The following SLC13A3 variants were observed in gnomAD, a reference collection of about 807,000 sequenced individuals.
SLC13A3 encodes solute carrier family 13 member 3.
SLC13A3 carries 40 observed loss-of-function variants against 59.0 expected under a neutral mutation model. That is an observed-to-expected ratio of 0.68 (90% CI 0.53 to 0.88). SLC13A3 has a LOEUF of 0.88. SLC13A3 is among the 40% of genes least tolerant of loss of function. The pLI is 0.00. For missense variants in SLC13A3, 699 were observed against 783.2 expected, an observed-to-expected ratio of 0.89 and a Z score of 1.28; for synonymous variants, 317 against 330.3, an observed-to-expected ratio of 0.96 and a Z score of 0.44.
intron 1 of SLC13A3, among the ~76,000 whole-genome samples, chr20:46,656,553 C>T (rs1283466635): frequency 1.4e-5 from 2 of 144,322 alleles, no homozygotes; most frequent in Admixed American, 1.4e-4. Flanking sequence ...ATATATTATA[C>T]TGTATATGAT....
In SLC13A3 at chr20:46,589,179, G is replaced by A. The variant is rs1219949627; in HGVS notation, c.997C>T (p.Gln333Ter). ...ACATACTTGATGGGCCCCAGGTTCT[G>A]GTATTCTTCCCGAATTACAGCTCGA... is the stretch of plus-strand genomic sequence containing the variant. Reference protein sequence around the residue: ...RARAVIREEYQNLGPIKFAEQ... With the variant: ...RARAVIREEY Residue 333 changes from glutamine to a stop codon, truncating the protein, a stop_gained, in exon 7 of 13, where the codon CAG (glutamine) becomes TAG (stop). Coordinates refer to ENST00000279027, the MANE Select transcript of SLC13A3 (RefSeq NM_022829.6). LOFTEE classifies it high-confidence loss of function. 3.1e-6 allele frequency: 5 copies of A among 1,613,960 alleles called. No individual in the cohort carries two copies. The highest frequency in any genetic ancestry group is 8.5e-7 in the Non-Finnish European group (1 of 1,179,988).
At chr20:46,585,471 A>C in intron 8 of SLC13A3, 3 of 994,836 alleles carry the variant, frequency 3.0e-6, no homozygotes, top group Non-Finnish European at 3.6e-6. Context: ...CTGTTAAAAA[A>C]ATCTTCTTTT....
intron 9 of SLC13A3, among the ~76,000 whole-genome samples, chr20:46,576,308 ACT>A (rs1366159073): frequency 6.6e-6 from 1 of 151,660 alleles, no homozygotes; most frequent in African/African-American, 2.4e-5. Flanking sequence ...TGTAAATAAA[ACT>A]CTATTTACAA....
chr20:46,603,209 A>G (rs1333887817), intron 3 of SLC13A3, among the ~76,000 whole-genome samples: 1 of 152,110 alleles, frequency 6.6e-6, no homozygotes, highest in Non-Finnish European at 1.5e-5. Flanking sequence ...TTAACTTATT[A>G]AAAGCAAGGA....
intron 1 of SLC13A3, among the ~76,000 whole-genome samples, chr20:46,661,235 T>C (rs566780662): frequency 1.3e-5 from 2 of 152,326 alleles, no homozygotes; most frequent in African/African-American, 4.8e-5. Flanking sequence ...AAGTAAATAA[T>C]ATTTACCTCC....
chr20:46,573,958 G>A (rs777052002), intron 10 of SLC13A3, among the ~76,000 whole-genome samples: 29 of 152,234 alleles, frequency 1.9e-4, no homozygotes, highest in Non-Finnish European at 3.8e-4. Flanking sequence ...TTAATTGGCT[G>A]TGGTTTTTAA....
At position 46,609,997 on chromosome 20, in the gene SLC13A3, G is replaced by A. The variant is rs575440285; in HGVS notation, c.541+449C>T. ...GTCCACACTCTTTCTAGCAGTACAC[G>A]AAAGTTCCTGTGGCCCCTATTCCTG... On this transcript the variant is annotated intron_variant, in intron 3 of 12. Transcript: ENST00000279027. Among the ~76,000 whole-genome samples, 23 of 152,320 alleles carry A rather than the reference G, an allele frequency of 1.5e-4. 1 individual carries two copies. In the South Asian group the frequency reaches 3.3e-3, roughly 22 times the overall value.
intron 7 of SLC13A3, 94 bp from the exon 8 acceptor site, chr20:46,588,257 G>C (rs2122664013): frequency 1.4e-6 from 1 of 694,662 alleles, no homozygotes. Context: ...GGGAGTGACT[G>C]GGCCCGGGCT....
At chr20:46,621,448 A>T (rs1384557901) in intron 1 of SLC13A3, among the ~76,000 whole-genome samples, 1 of 152,230 alleles carries the variant, frequency 6.6e-6, no homozygotes, top group Non-Finnish European at 1.5e-5. Context: ...TTAAGGATGG[A>T]TTAAATAGCT....
intron 1 of SLC13A3, among the ~76,000 whole-genome samples, chr20:46,643,887 A>C (rs1470890331): frequency 1.3e-5 from 2 of 151,960 alleles, no homozygotes; most frequent in Non-Finnish European, 2.9e-5. Flanking sequence ...AAAATACAAA[A>C]ATTAGCCAGG....
chr20:46,615,226 C>T (rs897355089), intron 1 of SLC13A3, among the ~76,000 whole-genome samples: 1 of 152,156 alleles, frequency 6.6e-6, no homozygotes. Flanking sequence ...GAAACATGAA[C>T]TTTTTCTTGG....
rs760903211 is a variant in SLC13A3 at position 46,610,622 on chromosome 20, T to C, written c.378-13A>G. ...CCCCAGGATGAGCCTGCAGAGCAGA[T>C]GGCATTAGAGGCAAATCCAGAACCC... On this transcript the variant is annotated splice_polypyrimidine_tract_variant and intron_variant, in intron 2 of 12. Transcript: ENST00000279027. 2 of 1,606,420 alleles carry C rather than the reference T, an allele frequency of 1.2e-6. No homozygotes were observed. Among genetic ancestry groups the C allele is most frequent in the Non-Finnish European group, 1.7e-6 (2 of 1,176,444 alleles).
chr20:46,666,671 T>C (rs2122923626), intron 1 of SLC13A3, among the ~76,000 whole-genome samples: 1 of 152,182 alleles, frequency 6.6e-6, no homozygotes, highest in South Asian at 2.1e-4. Context: ...GCCTGGCTAA[T>C]TTTTAAATTT....
chr20:46,651,651 C>G (rs1223286029), upstream of SLC13A3, among the ~76,000 whole-genome samples: 1 of 152,266 alleles, frequency 6.6e-6, no homozygotes, highest in Non-Finnish European at 1.5e-5. Context: ...ACCCCAGCCG[C>G]AGGGCAGTGT....
intron 1 of SLC13A3, among the ~76,000 whole-genome samples, chr20:46,648,938 C>CAT (rs1568956543): frequency 2.2e-5 from 3 of 138,980 alleles, no homozygotes; most frequent in East Asian, 4.0e-4. Flanking sequence ...CACACACACA[C>CAT]ACATACACAC....
At chr20:46,594,415 C>T (rs2122687681) in intron 5 of SLC13A3, among the ~76,000 whole-genome samples, 1 of 152,218 alleles carries the variant, frequency 6.6e-6, no homozygotes, top group African/African-American at 2.4e-5. Flanking sequence ...CAACTGCTCC[C>T]CTCCAATTCT....
chr20:46,621,745 T>C (rs2062617029), intron 1 of SLC13A3, among the ~76,000 whole-genome samples: 2 of 152,214 alleles, frequency 1.3e-5, no homozygotes, highest in African/African-American at 4.8e-5. Flanking sequence ...TCACATCCAA[T>C]GTCACATGAT....
rs976603146 is a variant in SLC13A3 at position 46,613,601 on chromosome 20, T to C, written c.236A>G (p.Asn79Ser). ...LFPFMGILPS[N>S]KVCPQYFLDT... is the part of the protein sequence containing the mutation. ...GAGGAAGTACTGGGGGCAGACCTTG[T>C]TGGAGGGCAAGATGCCCATGAAGGG... Residue 79 changes from asparagine to serine, a missense_variant, in exon 2 of 13, where the codon AAC becomes AGC. Physicochemically the swap from Asn to Ser is conservative, Grantham distance 46. Transcript: ENST00000279027. 6.2e-7 allele frequency: 1 copy of C among 1,613,142 alleles called. No homozygotes were observed. The highest frequency in any genetic ancestry group is 8.5e-7 in the Non-Finnish European group (1 of 1,179,562).
chr20:46,584,187 GT>G, intron 8 of SLC13A3: 1 of 985,390 alleles, frequency 1.0e-6, no homozygotes, highest in Non-Finnish European at 1.2e-6. Flanking sequence ...CTTTAGGGGA[GT>G]TTTGCGCACA....
Sources: allele counts gnomAD v4.1 joint callset (sites outside exome capture counted in the v4.1 genomes callset), GRCh38; gene constraint gnomAD v4.1.1; transcripts MANE v1.5; gene names NCBI Gene and HGNC (gene_info 2026-07-23, HGNC 2026-07-21).